Variants in CNTN6 observed in about 807,000 individuals in gnomAD.
CNTN6 encodes the protein contactin 6.
A neutral mutation model predicts 122.8 loss-of-function variants in CNTN6; 137 were observed. The observed-to-expected ratio is 1.12, with a 90% CI of 0.97 to 1.29. The LOEUF (loss-of-function observed/expected upper bound fraction) is 1.29, where lower values mean the gene tolerates loss of function less well. CNTN6 is among the 50% of genes most tolerant of loss of function. CNTN6 has a pLI of 0.00. For missense variants in CNTN6, 1,634 were observed against 1,223.4 expected (o/e 1.34, Z -5.01); for synonymous variants, 570 against 426.0 (o/e 1.34, Z -4.16).
chr3:1,277,346 C>CTTTGTTT (rs1692561262), intron 4 of CNTN6, among the ~76,000 whole-genome samples: 1 of 80,172 alleles, frequency 1.2e-5, no homozygotes, highest in Non-Finnish European at 2.4e-5. Context: ...AGTAGGTTTT[C>CTTTGTTT]TTTTTTTTTT....
Position 1,258,161 on chromosome 3 carries a change from A to G in CNTN6, c.359-20252A>G, listed in dbSNP as rs374435806. Among the ~76,000 whole-genome samples the G allele has an allele frequency of 3.3e-5, 5 of 152,276 alleles. No homozygotes were observed. The South Asian group carries it at 8.3e-4, about 25-fold the overall frequency. On this transcript the variant is annotated intron_variant, in intron 4 of 22. Transcript: ENST00000446702. ...TCCCAGAGCTGTTAGATTGTGATTG[A>G]TAAAACTTAATATTTTGAAGGGAGG...
chr3:1,156,027 A>T (rs1313589611), intron 2 of CNTN6, among the ~76,000 whole-genome samples: 1 of 152,232 alleles, frequency 6.6e-6, no homozygotes, highest in African/African-American at 2.4e-5. Flanking sequence ...AAATATTGGA[A>T]GTTCTCCAAT....
chr3:1,301,274 C>A (rs425782), intron 7 of CNTN6, among the ~76,000 whole-genome samples: 57,736 of 151,870 alleles, frequency 0.38, 15,813 homozygotes, highest in African/African-American at 0.78. Flanking sequence ...TGACCTCCTG[C>A]TCCACCCATC....
intron 2 of CNTN6, among the ~76,000 whole-genome samples, chr3:1,156,344 C>T (rs190090800): frequency 2.2e-4 from 34 of 152,326 alleles, no homozygotes; most frequent in Non-Finnish European, 3.5e-4. Context: ...GTCATTTCCA[C>T]ACTCTTTGCT....
At chr3:1,320,034 G>GGTTA (rs1205608049) in intron 7 of CNTN6, among the ~76,000 whole-genome samples, 2 of 151,340 alleles carry the variant, frequency 1.3e-5, no homozygotes, top group African/African-American at 4.8e-5. Flanking sequence ...CGTTCTTATT[G>GGTTA]GTTAGTATGC....
At chr3:1,396,186 C>A (rs79933375) in intron 20 of CNTN6, among the ~76,000 whole-genome samples, 1 of 152,142 alleles carries the variant, frequency 6.6e-6, no homozygotes, top group African/African-American at 2.4e-5. Context: ...TATAACATTC[C>A]TCTTCTAGCC....
At chr3:1,144,785 A>T (rs59190227) in intron 1 of CNTN6, among the ~76,000 whole-genome samples, 27,714 of 151,804 alleles carry the variant, frequency 0.18, 3,110 homozygotes, top group East Asian at 0.44. Flanking sequence ...AATCACAGTA[A>T]CACTCAGATA....
At chr3:1,235,930 C>G (rs959987390) in intron 4 of CNTN6, among the ~76,000 whole-genome samples, 3 of 151,930 alleles carry the variant, frequency 2.0e-5, no homozygotes, top group Non-Finnish European at 4.4e-5. Flanking sequence ...TGGGGTGAGG[C>G]CTGTGACTGC....
chr3:1,385,894 A>T, intron 20 of CNTN6, 97 bp downstream of exon 20: 1 of 1,187,612 alleles, frequency 8.4e-7, no homozygotes, highest in Non-Finnish European at 1.2e-6. Flanking sequence ...TCATTTCTTT[A>T]CTAATTGGTT....
intron 1 of CNTN6, among the ~76,000 whole-genome samples, chr3:1,101,999 A>G (rs113733752): frequency 1.3e-5 from 2 of 152,298 alleles, no homozygotes; most frequent in South Asian, 2.1e-4. Context: ...AAGTGAGAAT[A>G]TTGGATGGGT....
chr3:1,157,225 A>AT (rs1559417580), intron 2 of CNTN6, among the ~76,000 whole-genome samples: 6 of 78,554 alleles, frequency 7.6e-5, no homozygotes, highest in Non-Finnish European at 1.5e-4. Context: ...TATTTAATTT[A>AT]TTTATTTATT....
At chr3:1,261,906 C>T (rs1000955461) in intron 4 of CNTN6, among the ~76,000 whole-genome samples, 4 of 152,044 alleles carry the variant, frequency 2.6e-5, no homozygotes, top group Non-Finnish European at 5.9e-5. Flanking sequence ...CACATTTTTT[C>T]CCGTATACTT....
intron 4 of CNTN6, among the ~76,000 whole-genome samples, chr3:1,270,992 C>T (rs766172565): frequency 1.3e-4 from 20 of 152,284 alleles, no homozygotes; most frequent in Non-Finnish European, 2.2e-4. Flanking sequence ...TCACTGCAAC[C>T]TCTGCTTCCT....
At chr3:1,155,678 T>C (rs569374016) in intron 2 of CNTN6, among the ~76,000 whole-genome samples, 56 of 152,322 alleles carry the variant, frequency 3.7e-4, no homozygotes, top group Non-Finnish European at 6.5e-4. Flanking sequence ...CACGTTGACT[T>C]TGTGTCACAA....
At chr3:1,151,080 T>C (rs2092832083) in intron 2 of CNTN6, among the ~76,000 whole-genome samples, 1 of 152,156 alleles carries the variant, frequency 6.6e-6, no homozygotes, top group Admixed American at 6.5e-5. Context: ...GTGAATCCCA[T>C]TTTGGACTTC....
At chr3:1,246,292 A>G (rs1468326489) in intron 4 of CNTN6, among the ~76,000 whole-genome samples, 1 of 152,210 alleles carries the variant, frequency 6.6e-6, no homozygotes, top group Non-Finnish European at 1.5e-5. Context: ...GAATAAAATC[A>G]TGCAATATAT....
chr3:1,128,647 T>G (rs943159149), intron 1 of CNTN6, among the ~76,000 whole-genome samples: 4 of 151,988 alleles, frequency 2.6e-5, no homozygotes, highest in African/African-American at 9.7e-5. Flanking sequence ...TGTGCTGGTT[T>G]TAGAGAAATA....
At chr3:1,292,106 C>A (rs970557478) in intron 5 of CNTN6, among the ~76,000 whole-genome samples, 4 of 151,994 alleles carry the variant, frequency 2.6e-5, no homozygotes, top group Admixed American at 2.6e-4. Context: ...GAACTCACTA[C>A]CTAGTAGATC....
chr3:1,163,027 T>C (rs149677316), intron 2 of CNTN6, among the ~76,000 whole-genome samples: 1 of 152,212 alleles, frequency 6.6e-6, no homozygotes, highest in Non-Finnish European at 1.5e-5. Flanking sequence ...GACAATGGAA[T>C]TGTAATCCTT....
Sources: allele counts gnomAD v4.1 joint callset (sites outside exome capture counted in the v4.1 genomes callset), GRCh38; gene constraint gnomAD v4.1.1; transcripts MANE v1.5; gene names NCBI Gene and HGNC (gene_info 2026-07-23, HGNC 2026-07-21).